Variants in DEFB118 observed in about 807,000 individuals in gnomAD.
The protein encoded by DEFB118 is defensin, beta 18.
DEFB118 carries 3 observed loss-of-function variants against 2.8 expected under a neutral mutation model. That is an observed-to-expected ratio of 1.09 (90% CI 0.50 to 2.82). The LOEUF (loss-of-function observed/expected upper bound fraction) is 2.82, where lower values mean the gene tolerates loss of function less well. Ranked by LOEUF, DEFB118 falls within the 30% of genes most tolerant of loss-of-function variation. The pLI is 0.04. For synonymous variants in DEFB118, 63 were observed against 53.5 expected (o/e 1.18, Z -0.78); for missense variants, 159 against 144.6 (o/e 1.10, Z -0.51).
chr20:31,368,606 G>A lies in DEFB118; in HGVS notation c.-45G>A, dbSNP rs1986155833. ...CTTGTTCAGACTCACACTGCACACA[G>A]TATTCTGAACTCCTGGATCTACCAC... On this transcript the variant is annotated 5_prime_UTR_variant, in exon 1 of 2. Transcript: ENST00000253381. 1 of 1,593,292 alleles carries A rather than the reference G, an allele frequency of 6.3e-7. No homozygotes were observed. The highest frequency in any genetic ancestry group is 1.7e-5 in the Admixed American group (1 of 59,918).
chr20:31,369,069 CT>C (rs1206666346), intron 1 of DEFB118, among the ~76,000 whole-genome samples: 1 of 152,160 alleles, frequency 6.6e-6, no homozygotes, highest in Admixed American at 6.5e-5. Flanking sequence ...TAATGAGGTT[CT>C]TTTTGTTTTC....
intron 1 of DEFB118, among the ~76,000 whole-genome samples, chr20:31,371,353 TC>T (rs1270618374): frequency 1.3e-5 from 2 of 152,162 alleles, no homozygotes; most frequent in African/African-American, 2.4e-5. Flanking sequence ...CTAAACCCCT[TC>T]CCTGCTTCGT....
chr20:31,371,143 T>TA (rs1280301076), intron 1 of DEFB118, among the ~76,000 whole-genome samples: 1 of 152,178 alleles, frequency 6.6e-6, no homozygotes, highest in Non-Finnish European at 1.5e-5. Context: ...ACTCTCCACT[T>TA]AACTTACTCT....
Position 31,373,569 on chromosome 20 carries a change from A to G in DEFB118, c.*399A>G, listed in dbSNP as rs1250371925. ...CTTTGCATCTGTGAGAGTAGCTACT[A>G]TGACACTAAAAGCTTTTTTTCTAGA... is the stretch of plus-strand genomic sequence containing the variant. On this transcript the variant is annotated 3_prime_UTR_variant, in exon 2 of 2. Coordinates refer to ENST00000253381, the MANE Select transcript of DEFB118 (RefSeq NM_054112.3). 5.5e-6 allele frequency: 1 copy of G among 183,238 alleles called. No homozygotes were observed. Among genetic ancestry groups the G allele is most frequent in the Non-Finnish European group, 1.2e-5 (1 of 86,212 alleles). The allele number at this position is 183,238 out of a possible 1,614,324, so 11.4% of individuals were successfully genotyped here.
chr20:31,371,215 C>T (rs1285255928), intron 1 of DEFB118, among the ~76,000 whole-genome samples: 6 of 152,120 alleles, frequency 3.9e-5, no homozygotes, highest in African/African-American at 1.4e-4. Flanking sequence ...GCCTCTAAGC[C>T]TTTGCACTTG....
intron 1 of DEFB118, among the ~76,000 whole-genome samples, chr20:31,372,547 A>G (rs1219784063): frequency 6.6e-6 from 1 of 151,182 alleles, no homozygotes; most frequent in East Asian, 1.9e-4. Context: ...GACTCCATCT[A>G]AAAAAAAAGA....
At position 31,372,809 on chromosome 20, in the gene DEFB118, G is replaced by A. The variant is rs760340990; in HGVS notation, c.59-48G>A. On this transcript the variant is annotated intron_variant, in intron 1 of 1. Transcript: ENST00000253381. ...GATATACAGTCATGCTAGTGAAATTGAGAGCATCAGTAACCCAAAATCAAT... is the reference window on the plus strand; with the variant it reads ...GATATACAGTCATGCTAGTGAAATTAAGAGCATCAGTAACCCAAAATCAAT... 4 of 1,459,400 alleles carry A rather than the reference G, an allele frequency of 2.7e-6. No individual in the cohort carries two copies. The South Asian group carries it at 3.6e-5, about 13-fold the overall frequency. The allele number at this position is 1,459,400 out of a possible 1,614,324, so 90.4% of individuals were successfully genotyped here.
At chr20:31,372,237 C>T (rs1348942592) in intron 1 of DEFB118, among the ~76,000 whole-genome samples, 1 of 152,164 alleles carries the variant, frequency 6.6e-6, no homozygotes, top group Non-Finnish European at 1.5e-5. Flanking sequence ...AACTTAATCA[C>T]ACTTGTTGAA....
chr20:31,372,503 C>A (rs1986227912), intron 1 of DEFB118, among the ~76,000 whole-genome samples: 1 of 152,118 alleles, frequency 6.6e-6, no homozygotes, highest in Admixed American at 6.5e-5. Flanking sequence ...GAGCTGAGAT[C>A]ATGCCACTGC....
intron 1 of DEFB118, among the ~76,000 whole-genome samples, chr20:31,371,098 A>G (rs1799622831): frequency 6.6e-6 from 1 of 152,178 alleles, no homozygotes; most frequent in Non-Finnish European, 1.5e-5. Flanking sequence ...GCAAGATTCT[A>G]TGTGATCTCA....
In DEFB118 at chr20:31,368,732, C is replaced by A. The variant is rs780021224; in HGVS notation, c.58+24C>A. The stretch of plus-strand genomic sequence containing the variant: ...AGGTAATCAGAGGTCAGGGAAGATA[C>A]AAAAATAGAGGTATAGTGGGTTCTG... On this transcript the variant is annotated intron_variant, in intron 1 of 1. Coordinates refer to ENST00000253381, the MANE Select transcript of DEFB118 (RefSeq NM_054112.3). 3.1e-6 allele frequency: 5 copies of A among 1,609,246 alleles called. No individual in the cohort carries two copies. The East Asian group carries it at 8.9e-5, about 29-fold the overall frequency.
intron 1 of DEFB118, among the ~76,000 whole-genome samples, chr20:31,369,411 A>C (rs1304982772): frequency 8.8e-6 from 1 of 113,588 alleles, no homozygotes. Context: ...TTTTTTGAAG[A>C]TGGAATCTCA....
intron 1 of DEFB118, among the ~76,000 whole-genome samples, chr20:31,369,789 G>T (rs566190818): frequency 6.6e-6 from 1 of 152,258 alleles, no homozygotes; most frequent in Admixed American, 6.5e-5. Context: ...TAGTTCTGCT[G>T]TAGGATAAGC....
rs1049503206 is a variant in DEFB118 at position 31,370,635 on chromosome 20, A to G, written c.58+1927A>G. ...AGAAATCAGTGACATTTATAGGAACAGAGATATCTCCCTACCCTCTCACCG... is the reference window on the plus strand; with the variant it reads ...AGAAATCAGTGACATTTATAGGAACGGAGATATCTCCCTACCCTCTCACCG... On this transcript the variant is annotated intron_variant, in intron 1 of 1. Coordinates refer to ENST00000253381, the MANE Select transcript of DEFB118 (RefSeq NM_054112.3). Among the ~76,000 whole-genome samples the G allele has an allele frequency of 2.0e-5, 3 of 152,256 alleles. No homozygotes were observed. In the South Asian group the frequency reaches 6.2e-4, roughly 31 times the overall value.
intron 1 of DEFB118, among the ~76,000 whole-genome samples, 156 bp from the exon 2 acceptor site, chr20:31,372,701 G>A (rs1986232428): frequency 6.6e-6 from 1 of 152,138 alleles, no homozygotes; most frequent in Non-Finnish European, 1.5e-5. Flanking sequence ...TGACAAATGG[G>A]AGGTTGAGTA....
rs1223022677 is a variant in DEFB118, at chr20:31,373,249, C to T, written c.*79C>T. Reference sequence around the variant, plus strand: ...TACAGATAAAGCACTGAAAACACCACAGTGACCCTCCCACCCCCCACCAAT... The same window carrying T: ...TACAGATAAAGCACTGAAAACACCATAGTGACCCTCCCACCCCCCACCAAT... On this transcript the variant is annotated 3_prime_UTR_variant, in exon 2 of 2. Coordinates refer to ENST00000253381, the MANE Select transcript of DEFB118 (RefSeq NM_054112.3). 3.1e-6 allele frequency: 4 copies of T among 1,297,142 alleles called. No homozygotes were observed. Among genetic ancestry groups the T allele is most frequent in the Non-Finnish European group, 4.3e-6 (4 of 935,818 alleles). The allele number at this position is 1,297,142 out of a possible 1,614,324, so 80.4% of individuals were successfully genotyped here. A position where few individuals can be genotyped will look rare whatever the true frequency, so the allele number is the denominator to read the frequency against.
chr20:31,369,697 G>A (rs1180084519), intron 1 of DEFB118, among the ~76,000 whole-genome samples: 1 of 152,016 alleles, frequency 6.6e-6, no homozygotes, highest in Non-Finnish European at 1.5e-5. Context: ...GCCCTATGCA[G>A]CACTCTTCTT....
chr20:31,372,829 A>G, intron 1 of DEFB118, 28 bp from the exon 2 acceptor site: 1 of 1,593,598 alleles, frequency 6.3e-7, no homozygotes, highest in Non-Finnish European at 8.6e-7. Flanking sequence ...GTAACCCAAA[A>G]TCAATGGTCT....
In DEFB118 at chr20:31,373,900, C is replaced by CAAAAAAAAAAA. The variant is rs60446679; in HGVS notation, c.*743_*753dup. The CAAAAAAAAAAA allele has an allele frequency of 1.4e-3, 89 of 64,596 alleles. 1 individual carries two copies. The highest frequency in any genetic ancestry group is 2.5e-3 in the Non-Finnish European group (68 of 27,518). 4.0% of individuals were successfully genotyped at this position (64,596 alleles called of 1,614,324 possible). ...AGCTTTATTTGTCTCCCTCTGATAG[C>CAAAAAAAAAAA]AAAAAAAAAAAAAAAAAAAAAAATC... On this transcript the variant is annotated 3_prime_UTR_variant, in exon 2 of 2. Coordinates refer to ENST00000253381, the MANE Select transcript of DEFB118 (RefSeq NM_054112.3).
Sources: gnomAD v4.1 joint callset for allele counts (sites outside exome capture counted in the v4.1 genomes callset) on GRCh38, gnomAD v4.1.1 for gene constraint, MANE v1.5 for transcripts, NCBI Gene and HGNC (gene_info 2026-07-23, HGNC 2026-07-21) for gene names.